ME3: variants seen among roughly 807,000 people sequenced by gnomAD.
ME3 encodes NADP-dependent malic enzyme, mitochondrial.
ME3 carries 48 observed loss-of-function variants against 68.9 expected under a neutral mutation model. The ratio of observed to expected loss-of-function variants is 0.70; its 90% CI spans 0.55 to 0.89. ME3 has a LOEUF of 0.89. Ranked by LOEUF, ME3 falls within the 40% of genes least tolerant of loss-of-function variation. The pLI, the probability that ME3 is intolerant of heterozygous loss-of-function variation, is 0.00. For missense variants in ME3, 675 were observed against 797.4 expected (o/e 0.85, Z 1.85); for synonymous variants, 320 against 318.8 (o/e 1.00, Z -0.04).
intron 2 of ME3, among the ~76,000 whole-genome samples, chr11:86,652,931 CAG>C (rs1376961520): frequency 1.3e-5 from 2 of 148,782 alleles, no homozygotes; most frequent in African/African-American, 4.9e-5. Context: ...AAAAAAAAGG[CAG>C]GGGTTGCAGT....
intron 2 of ME3, among the ~76,000 whole-genome samples, chr11:86,665,034 G>A (rs1421257492): frequency 6.6e-6 from 1 of 152,222 alleles, no homozygotes. Context: ...CAGGGTGAAA[G>A]AAGGGGCCTT....
intron 2 of ME3, among the ~76,000 whole-genome samples, chr11:86,599,116 G>A (rs1003063236): frequency 2.6e-5 from 4 of 152,250 alleles, no homozygotes; most frequent in African/African-American, 9.6e-5. Context: ...ACTTTGACGA[G>A]TTGAGAGAAG....
At chr11:86,444,823 A>G (rs537891257) in intron 13 of ME3, among the ~76,000 whole-genome samples, 13 of 152,356 alleles carry the variant, frequency 8.5e-5, no homozygotes, top group African/African-American at 3.1e-4. Flanking sequence ...CTTCACTAAA[A>G]GTACCCTTTT....
chr11:86,596,671 CT>C (rs1959513886), intron 2 of ME3, among the ~76,000 whole-genome samples: 1 of 152,154 alleles, frequency 6.6e-6, no homozygotes, highest in Non-Finnish European at 1.5e-5. Flanking sequence ...ATCACCTAGG[CT>C]ACCTCTTTCA....
intron 6 of ME3, among the ~76,000 whole-genome samples, chr11:86,494,732 C>G (rs932401353): frequency 3.9e-5 from 6 of 152,174 alleles, no homozygotes; most frequent in African/African-American, 1.4e-4. Flanking sequence ...AATTAGGTGA[C>G]AGTGTTGAAA....
intron 6 of ME3, 98 bp downstream of exon 6, chr11:86,497,865 C>T (rs1357915043): frequency 7.6e-7 from 1 of 1,314,116 alleles, no homozygotes; most frequent in East Asian, 2.5e-5. Context: ...AGAAATGGCC[C>T]ATTGCTGTGT....
At chr11:86,524,857 A>G (rs941239649) in intron 4 of ME3, among the ~76,000 whole-genome samples, 2 of 152,230 alleles carry the variant, frequency 1.3e-5, no homozygotes, top group Non-Finnish European at 2.9e-5. Context: ...GCAATTAAGC[A>G]GGGGGAAGGG....
intron 2 of ME3, among the ~76,000 whole-genome samples, chr11:86,600,314 A>G (rs1960388332): frequency 6.6e-6 from 1 of 152,242 alleles, no homozygotes; most frequent in Non-Finnish European, 1.5e-5. Context: ...AGTCTCTGAT[A>G]AAACAGACTC....
chr11:86,660,892 G>C (rs530265853), intron 2 of ME3, among the ~76,000 whole-genome samples: 1 of 150,900 alleles, frequency 6.6e-6, no homozygotes, highest in African/African-American at 2.5e-5. Flanking sequence ...ATTTTTTGTG[G>C]CTTTCAAAAT....
intron 3 of ME3, among the ~76,000 whole-genome samples, chr11:86,558,459 A>T (rs1957039781): frequency 6.6e-6 from 1 of 152,126 alleles, no homozygotes; most frequent in African/African-American, 2.4e-5. Context: ...CTTTGGGAGT[A>T]GGGGTGGAGG....
intron 2 of ME3, among the ~76,000 whole-genome samples, chr11:86,630,231 T>C (rs1192023247): frequency 6.6e-6 from 1 of 152,128 alleles, no homozygotes; most frequent in African/African-American, 2.4e-5. Flanking sequence ...ACCTCTGTTA[T>C]CAATAAAGGG....
At chr11:86,515,065 G>A (rs77954908) in intron 4 of ME3, among the ~76,000 whole-genome samples, 2,606 of 152,216 alleles carry the variant, frequency 0.017, 77 homozygotes, top group African/African-American at 0.056. Flanking sequence ...ATAAGAAGAC[G>A]GTTGTAAATA....
At chr11:86,569,439 C>T (rs139851267) in intron 2 of ME3, among the ~76,000 whole-genome samples, 1 of 152,278 alleles carries the variant, frequency 6.6e-6, no homozygotes, top group African/African-American at 2.4e-5. Context: ...TCCAGGAGGC[C>T]TCCCTGCCTC....
intron 5 of ME3, among the ~76,000 whole-genome samples, chr11:86,499,681 G>A (rs1952593642): frequency 6.6e-6 from 1 of 152,146 alleles, no homozygotes; most frequent in Non-Finnish European, 1.5e-5. Context: ...AAGGGTCTCT[G>A]GAGAGTGCAA....
At chr11:86,658,367 C>T (rs1364775019) in intron 2 of ME3, among the ~76,000 whole-genome samples, 1 of 152,020 alleles carries the variant, frequency 6.6e-6, no homozygotes, top group Non-Finnish European at 1.5e-5. Flanking sequence ...AAGTGATCCA[C>T]CTGCCTCAGC....
At chr11:86,552,241 A>G (rs539029102) in intron 4 of ME3, among the ~76,000 whole-genome samples, 117 of 152,298 alleles carry the variant, frequency 7.7e-4, no homozygotes, top group Non-Finnish European at 1.4e-3. Context: ...ATTAATTGTC[A>G]AAAGTCATCA....
At chr11:86,661,958 A>C (rs1389492410) in intron 2 of ME3, among the ~76,000 whole-genome samples, 3 of 152,230 alleles carry the variant, frequency 2.0e-5, no homozygotes, top group Non-Finnish European at 2.9e-5. Context: ...TTAAACAAAC[A>C]AATGAGTCTT....
At chr11:86,644,030 A>G (rs1330620436) in intron 2 of ME3, among the ~76,000 whole-genome samples, 1 of 152,224 alleles carries the variant, frequency 6.6e-6, no homozygotes, top group Non-Finnish European at 1.5e-5. Context: ...ATTTCCTTTT[A>G]TTATGAAGAA....
chr11:86,543,745 A>G (rs971955518), intron 4 of ME3, among the ~76,000 whole-genome samples: 1 of 152,204 alleles, frequency 6.6e-6, no homozygotes, highest in Non-Finnish European at 1.5e-5. Flanking sequence ...AGACAGATCA[A>G]TGAGACATAA....
Sources: gnomAD v4.1 joint callset for allele counts (sites outside exome capture counted in the v4.1 genomes callset) on GRCh38, gnomAD v4.1.1 for gene constraint, MANE v1.5 for transcripts, NCBI Gene and HGNC (gene_info 2026-07-23, HGNC 2026-07-21) for gene names.